The following INSC variants were observed in gnomAD, a reference collection of about 807,000 sequenced individuals.
The protein encoded by INSC is INSC spindle orientation adaptor protein.
INSC carries 67 observed loss-of-function variants against 58.6 expected under a neutral mutation model. That is an observed-to-expected ratio of 1.14 (90% CI 0.94 to 1.40). The LOEUF is 1.40. Ranked by LOEUF, INSC falls within the 40% of genes most tolerant of loss-of-function variation. The probability of loss-of-function intolerance (pLI) is 0.00; values close to 1 mark genes in which losing one functional copy is unlikely to be tolerated. For synonymous variants in INSC, 262 were observed against 276.1 expected (o/e 0.95, Z 0.51); for missense variants, 714 against 692.0 (o/e 1.03, Z -0.36).
At chr11:15,189,966 C>A (rs1850103856) in intron 5 of INSC, among the ~76,000 whole-genome samples, 1 of 152,148 alleles carries the variant, frequency 6.6e-6, no homozygotes, top group Non-Finnish European at 1.5e-5. Flanking sequence ...GTTAATGAAT[C>A]TTTCATTTGC....
In INSC at chr11:15,193,598, C is replaced by T. The variant is rs555394329; in HGVS notation, c.693+2784C>T. Among the ~76,000 whole-genome samples, 135 of 152,264 alleles carry T rather than the reference C, an allele frequency of 8.9e-4. 1 individual carries two copies. The highest frequency in any genetic ancestry group is 1.0e-4 in the Non-Finnish European group (7 of 68,030). Reference sequence around the variant, plus strand: ...GAGAATGATGGTTTCCAGCTTCATCCATGTCGCTACAAAGGACATGAACTC... The same window carrying T: ...GAGAATGATGGTTTCCAGCTTCATCTATGTCGCTACAAAGGACATGAACTC... On this transcript the variant is annotated intron_variant, in intron 6 of 12. Transcript: ENST00000379556.
chr11:15,159,637 G>T (rs2133779383), intron 2 of INSC, among the ~76,000 whole-genome samples: 1 of 152,300 alleles, frequency 6.6e-6, no homozygotes, highest in Non-Finnish European at 1.5e-5. Flanking sequence ...TAACACTTAA[G>T]AACATACAGT....
chr11:15,149,877 G>T (rs1848595818), intron 2 of INSC, among the ~76,000 whole-genome samples: 1 of 152,082 alleles, frequency 6.6e-6, no homozygotes, highest in Admixed American at 6.5e-5. Flanking sequence ...AAGTCTTAAG[G>T]TCACAAGAAA....
chr11:15,112,592 G>C (rs375475908), upstream of INSC: 1,767 of 28,890 alleles, frequency 0.061, 12 homozygotes, highest in Non-Finnish European at 0.065. Context: ...GTGGATGTGA[G>C]TGTGTGTGTG....
At chr11:15,219,600 G>A (rs1337870043) in intron 7 of INSC, among the ~76,000 whole-genome samples, 1 of 152,210 alleles carries the variant, frequency 6.6e-6, no homozygotes, top group East Asian at 1.9e-4. Context: ...GGTGTGTTCA[G>A]ATTGGCCTAT....
chr11:15,200,622 G>T (rs558057785), intron 6 of INSC, among the ~76,000 whole-genome samples: 8 of 152,074 alleles, frequency 5.3e-5, no homozygotes, highest in South Asian at 4.1e-4. Context: ...ACTATGAAGG[G>T]TGACATTATT....
chr11:15,237,847 A>C (rs985847004), intron 10 of INSC, among the ~76,000 whole-genome samples: 2 of 152,198 alleles, frequency 1.3e-5, no homozygotes, highest in African/African-American at 4.8e-5. Context: ...GTTAAAATTC[A>C]GGAGGCAGTT....
chr11:15,178,484 G>A (rs1387371010), intron 5 of INSC, 37 bp downstream of exon 5: 1 of 1,596,424 alleles, frequency 6.3e-7, no homozygotes, highest in East Asian at 2.2e-5. Context: ...GGGTGCTTGT[G>A]TGGACCCTTG....
intron 6 of INSC, among the ~76,000 whole-genome samples, chr11:15,191,195 G>T (rs1384524904): frequency 1.3e-5 from 2 of 152,066 alleles, no homozygotes; most frequent in Non-Finnish European, 2.9e-5. Context: ...TAGCCAGGAT[G>T]GTCTCGATCT....
chr11:15,151,024 C>A (rs958604178), intron 2 of INSC, among the ~76,000 whole-genome samples: 2 of 152,152 alleles, frequency 1.3e-5, no homozygotes, highest in Non-Finnish European at 2.9e-5. Context: ...GAGAGAAGGT[C>A]TCTCTAGAGC....
intron 2 of INSC, among the ~76,000 whole-genome samples, chr11:15,151,440 G>A (rs1220074112): frequency 6.6e-6 from 1 of 152,148 alleles, no homozygotes; most frequent in Non-Finnish European, 1.5e-5. Flanking sequence ...TAGTGAAAAC[G>A]ATACAATCTC....
At chr11:15,187,460 T>C (rs1010784979) in intron 5 of INSC, among the ~76,000 whole-genome samples, 1 of 152,218 alleles carries the variant, frequency 6.6e-6, no homozygotes, top group Non-Finnish European at 1.5e-5. Flanking sequence ...ACTTATGGAC[T>C]TTCCATCCAA....
At chr11:15,192,295 T>A (rs1441516577) in intron 6 of INSC, among the ~76,000 whole-genome samples, 1 of 152,234 alleles carries the variant, frequency 6.6e-6, no homozygotes, top group Non-Finnish European at 1.5e-5. Flanking sequence ...CACAAGGGCA[T>A]ATCATGGCCT....
At chr11:15,180,694 C>CAGG (rs1849743526) in intron 5 of INSC, among the ~76,000 whole-genome samples, 1 of 41,822 alleles carries the variant, frequency 2.4e-5, no homozygotes, top group African/African-American at 9.7e-5. Context: ...AGGGGGGGGG[C>CAGG]GGGGGGGGGT....
chr11:15,217,762 C>A (rs1851275640), intron 7 of INSC, among the ~76,000 whole-genome samples: 2 of 152,070 alleles, frequency 1.3e-5, no homozygotes, highest in African/African-American at 4.8e-5. Flanking sequence ...CAAAACAAAC[C>A]AAATCAAAGC....
chr11:15,233,307 C>T (rs1019063552), intron 9 of INSC, among the ~76,000 whole-genome samples: 6 of 152,200 alleles, frequency 3.9e-5, no homozygotes, highest in African/African-American at 1.4e-4. Context: ...CTGCCTGGCT[C>T]CTGCACTCTG....
intron 1 of INSC, among the ~76,000 whole-genome samples, chr11:15,140,896 T>C (rs532154133): frequency 3.3e-5 from 5 of 152,228 alleles, no homozygotes; most frequent in Admixed American, 6.5e-5. Context: ...CTGTTCTTCT[T>C]TTGAACTTGT....
chr11:15,229,120 AT>A (rs1296238012), intron 9 of INSC, among the ~76,000 whole-genome samples: 1 of 152,186 alleles, frequency 6.6e-6, no homozygotes, highest in Non-Finnish European at 1.5e-5. Context: ...AGCAGGGACA[AT>A]CTAGGATGGA....
chr11:15,171,080 A>G lies in INSC; in HGVS notation c.57-4661A>G, dbSNP rs78019277. Among the ~76,000 whole-genome samples the G allele has an allele frequency of 5.3e-3, 813 of 152,318 alleles. 9 individuals are homozygous for G. The highest frequency in any genetic ancestry group is 9.0e-3 in the Non-Finnish European group (611 of 68,032). ...GCATTGGGGTGGAGGGCTTGACAAA[A>G]ATGTGAGTTGTGGATCTGAGCAGGC... On this transcript the variant is annotated intron_variant, in intron 2 of 12. Coordinates refer to ENST00000379556, the MANE Select transcript of INSC (RefSeq NM_001042536.3).
Sources: allele counts gnomAD v4.1 joint callset (sites outside exome capture counted in the v4.1 genomes callset), GRCh38; gene constraint gnomAD v4.1.1; transcripts MANE v1.5; gene names NCBI Gene and HGNC (gene_info 2026-07-23, HGNC 2026-07-21).